Variants in IQCH observed in about 807,000 individuals in gnomAD.
The protein encoded by IQCH is IQ domain-containing protein H.
A neutral mutation model predicts 117.0 loss-of-function variants in IQCH; 98 were observed. The observed-to-expected ratio is 0.84, with a 90% confidence interval of 0.71 to 0.99. The LOEUF is 0.99. Ranked by LOEUF, IQCH falls within the 50% of genes least tolerant of loss-of-function variation. The probability of loss-of-function intolerance (pLI) is 0.00; values close to 1 mark genes in which losing one functional copy is unlikely to be tolerated. For missense variants in IQCH, 1,102 were observed against 1,243.8 expected (o/e 0.89, Z 1.72); for synonymous variants, 412 against 448.2 (o/e 0.92, Z 1.02).
intron 8 of IQCH, among the ~76,000 whole-genome samples, chr15:67,362,907 G>C (rs1970195747): frequency 6.6e-6 from 1 of 152,250 alleles, no homozygotes. Context: ...CAAATCTGGT[G>C]GGGGAATAAG....
In IQCH at chr15:67,472,918, AAACCTCAGGGT is replaced by A. The variant is rs1419706604; in HGVS notation, c.2677-2776_2677-2766del. On this transcript the variant is annotated intron_variant, in intron 17 of 20. Coordinates refer to ENST00000335894, the MANE Select transcript of IQCH (RefSeq NM_001031715.3). The surrounding 1 kb of genome is among the most constrained non-coding windows in gnomAD (Gnocchi z 4.3). ...GCACTCTGCATCTGTAGTGAAGAAG[AAACCTCAGGGT>A]AGCCTGCCCTTACATGTTGTCTAGT... is the stretch of plus-strand genomic sequence containing the variant. Among the ~76,000 whole-genome samples, 29 of 152,212 alleles carry A rather than the reference AAACCTCAGGGT, an allele frequency of 1.9e-4. No homozygotes were observed. Among genetic ancestry groups the A allele is most frequent in the Non-Finnish European group, 3.5e-4 (24 of 68,042 alleles).
chr15:67,445,835 G>A lies in IQCH; in HGVS notation c.2506-19292G>A, dbSNP rs190707404. ...TTGATCAGGTAGTCAGGAACCAATA[G>A]AAGTCCAAATAATGCAACAAAATTC... On this transcript the variant is annotated intron_variant, in intron 16 of 20. Transcript: ENST00000335894. The surrounding 1 kb of genome is among the most constrained non-coding windows in gnomAD (Gnocchi z 4.3). Among the ~76,000 whole-genome samples the A allele has an allele frequency of 1.7e-4, 26 of 152,316 alleles. No homozygotes were observed. Among genetic ancestry groups the A allele is most frequent in the South Asian group, 1.0e-3 (5 of 4,826 alleles).
chr15:67,381,376 G>A lies in IQCH; in HGVS notation c.1373-3560G>A, dbSNP rs968147470. 3.9e-5 allele frequency among the ~76,000 whole-genome samples: 6 copies of A among 152,188 alleles called. No individual in the cohort carries two copies. The highest frequency in any genetic ancestry group is 7.3e-5 in the Non-Finnish European group (5 of 68,036). On this transcript the variant is annotated intron_variant, in intron 10 of 20. Transcript: ENST00000335894. The surrounding 1 kb of genome is among the most constrained non-coding windows in gnomAD (Gnocchi z 5.1). Reference sequence around the variant, plus strand: ...CAGCTCTCAGGTAAGCTTCTTTGATGTAGAGACAATAATATTTCACAACTG... The same window carrying A: ...CAGCTCTCAGGTAAGCTTCTTTGATATAGAGACAATAATATTTCACAACTG...
At position 67,314,306 on chromosome 15, in the gene IQCH, G is replaced by A. The variant is rs1967741338; in HGVS notation, c.388-22669G>A. Reference sequence around the variant, plus strand: ...CCATCCCCCACCCAACTCTCCTATTGCCACTTCCCAGCCTCAGCACTGGAC... The same window carrying A: ...CCATCCCCCACCCAACTCTCCTATTACCACTTCCCAGCCTCAGCACTGGAC... On this transcript the variant is annotated intron_variant, in intron 4 of 20. Transcript: ENST00000335894. Among the ~76,000 whole-genome samples the A allele has an allele frequency of 2.0e-5, 3 of 151,716 alleles. No individual in the cohort carries two copies. The South Asian group carries it at 6.2e-4, about 32-fold the overall frequency.
At chr15:67,335,949 G>A (rs1968873685) in intron 4 of IQCH, among the ~76,000 whole-genome samples, 1 of 152,078 alleles carries the variant, frequency 6.6e-6, no homozygotes, top group African/African-American at 2.4e-5. Context: ...TCTCCCTCTG[G>A]TCTTGATGAA....
rs2083199888 is a variant in IQCH at position 67,476,286 on chromosome 15, G to T, written c.2799+468G>T. On this transcript the variant is annotated intron_variant, in intron 18 of 20. Coordinates refer to ENST00000335894, the MANE Select transcript of IQCH (RefSeq NM_001031715.3). The surrounding 1 kb of genome is among the most constrained non-coding windows in gnomAD (Gnocchi z 4.1). The stretch of plus-strand genomic sequence containing the variant: ...TACATCCAAGGACAAGGCACTAGCA[G>T]ATTTGGTTCCTGGTGAGGGCCTGCT... Among the ~76,000 whole-genome samples the T allele has an allele frequency of 6.6e-6, 1 of 152,266 alleles. No homozygotes were observed. Among genetic ancestry groups the T allele is most frequent in the African/African-American group, 2.4e-5 (1 of 41,476 alleles).
intron 18 of IQCH, among the ~76,000 whole-genome samples, chr15:67,484,064 C>T (rs1193784817): frequency 2.0e-5 from 3 of 152,024 alleles, no homozygotes; most frequent in Non-Finnish European, 4.4e-5. Flanking sequence ...AAACACAAAG[C>T]ATGAAGGAAA....
At chr15:67,284,829 TACC>T (rs1030931418) in intron 4 of IQCH, among the ~76,000 whole-genome samples, 16 of 152,212 alleles carry the variant, frequency 1.1e-4, no homozygotes, top group Admixed American at 1.0e-3. Context: ...GGTGTATATC[TACC>T]ACATTTTCTT....
At chr15:67,257,523 G>A (rs1010033150) in intron 1 of IQCH, among the ~76,000 whole-genome samples, 10 of 152,196 alleles carry the variant, frequency 6.6e-5, no homozygotes, top group Non-Finnish European at 1.5e-4. Context: ...GTACAAAGAA[G>A]TAAAGCATCT....
chr15:67,444,407 A>G (rs2082347926), intron 16 of IQCH, among the ~76,000 whole-genome samples: 1 of 152,232 alleles, frequency 6.6e-6, no homozygotes, highest in African/African-American at 2.4e-5. Flanking sequence ...AACAGACACC[A>G]CAAGAATGGT....
At position 67,443,685 on chromosome 15, in the gene IQCH, A is replaced by C. The variant is rs2899723; in HGVS notation, c.2506-21442A>C. ...CTGATATACAACTTCGCTTCCTTTG[A>C]AACATATTTCAAAGTCCAGCTCATC... On this transcript the variant is annotated intron_variant, in intron 16 of 20. Coordinates refer to ENST00000335894, the MANE Select transcript of IQCH (RefSeq NM_001031715.3). This position sits in a 1 kb window ranked among gnomAD's most constrained non-coding sequence, Gnocchi z 5.0. Among the ~76,000 whole-genome samples, 2 of 152,094 alleles carry C rather than the reference A, an allele frequency of 1.3e-5. No homozygotes were observed. The highest frequency in any genetic ancestry group is 4.1e-4 in the South Asian group (2 of 4,822).
intron 4 of IQCH, among the ~76,000 whole-genome samples, chr15:67,286,646 G>T: frequency 6.6e-6 from 1 of 151,352 alleles, no homozygotes; most frequent in African/African-American, 2.4e-5. Context: ...GTCTCGTTCT[G>T]TCGCCCAGGC....
intron 4 of IQCH, among the ~76,000 whole-genome samples, chr15:67,322,020 A>G (rs1461058058): frequency 6.6e-6 from 1 of 152,224 alleles, no homozygotes; most frequent in Non-Finnish European, 1.5e-5. Context: ...GATTTTTTAA[A>G]AATTAATTGT....
intron 4 of IQCH, among the ~76,000 whole-genome samples, chr15:67,281,316 A>G (rs1159280163): frequency 6.6e-6 from 1 of 152,146 alleles, no homozygotes; most frequent in Admixed American, 6.5e-5. Context: ...ATTAATTAGG[A>G]GAAAAGGCAT....
At position 67,401,269 on chromosome 15, in the gene IQCH, AAAGT is replaced by A. The variant is rs1971649023; in HGVS notation, c.2097+967_2097+970del. On this transcript the variant is annotated intron_variant, in intron 14 of 20. Transcript: ENST00000335894. The surrounding 1 kb of genome is among the most constrained non-coding windows in gnomAD (Gnocchi z 4.7). ...TAGTCCCTTCCAAATTTGCTTAATT[AAAGT>A]AATTTTATATGGTTTAATATATAAA... 6.6e-6 allele frequency among the ~76,000 whole-genome samples: 1 copy of A among 152,144 alleles called. No individual in the cohort carries two copies. The highest frequency in any genetic ancestry group is 6.5e-5 in the Admixed American group (1 of 15,280).
Position 67,417,086 on chromosome 15 carries a change from G to C in IQCH, c.2218+35G>C. ...ACTGTAAAGTTTCTATTGAGGATTAGTCTACACAACCTTGGATTCTAGTTT... is the reference window on the plus strand; with the variant it reads ...ACTGTAAAGTTTCTATTGAGGATTACTCTACACAACCTTGGATTCTAGTTT... On this transcript the variant is annotated intron_variant, in intron 15 of 20. Transcript: ENST00000335894. This position sits in a 1 kb window ranked among gnomAD's most constrained non-coding sequence, Gnocchi z 4.3. 1 of 1,566,354 alleles carries C rather than the reference G, an allele frequency of 6.4e-7. No homozygotes were observed. Among genetic ancestry groups the C allele is most frequent in the Non-Finnish European group, 8.7e-7 (1 of 1,155,978 alleles).
At chr15:67,298,240 G>T (rs968060639) in intron 4 of IQCH, among the ~76,000 whole-genome samples, 1 of 151,530 alleles carries the variant, frequency 6.6e-6, no homozygotes, top group African/African-American at 2.4e-5. Context: ...CCCAGGAGGC[G>T]GAGGTTGCAG....
chr15:67,377,208 T>C (rs1033150789), intron 10 of IQCH, among the ~76,000 whole-genome samples: 6 of 151,802 alleles, frequency 4.0e-5, no homozygotes, highest in Non-Finnish European at 5.9e-5. Flanking sequence ...TTCCTAGATA[T>C]AACAAAAATT....
At chr15:67,329,405 T>G (rs768973992) in intron 4 of IQCH, among the ~76,000 whole-genome samples, 2 of 152,166 alleles carry the variant, frequency 1.3e-5, no homozygotes, top group Non-Finnish European at 2.9e-5. Flanking sequence ...ATTAATTCAT[T>G]AATTCCTCAC....
Sources: gnomAD v4.1 joint callset for allele counts (sites outside exome capture counted in the v4.1 genomes callset) on GRCh38, gnomAD v4.1.1 for gene constraint, Gnocchi (gnomAD v3.1) non-coding constraint, MANE v1.5 for transcripts, NCBI Gene and HGNC (gene_info 2026-07-23, HGNC 2026-07-21) for gene names.